Variants in LRRC28 observed in about 807,000 individuals in gnomAD.
LRRC28 encodes leucine-rich repeat-containing protein 28.
LRRC28 carries 39 observed loss-of-function variants against 45.7 expected under a neutral mutation model. That is an observed-to-expected ratio of 0.85 (90% CI 0.66 to 1.12). The LOEUF (loss-of-function observed/expected upper bound fraction) is 1.12, where lower values mean the gene tolerates loss of function less well. LRRC28 is among the 50% of genes most tolerant of loss of function. The probability of loss-of-function intolerance (pLI) is 0.00; values close to 1 mark genes in which losing one functional copy is unlikely to be tolerated. For synonymous variants in LRRC28, 206 were observed against 178.8 expected (o/e 1.15, Z -1.22); for missense variants, 435 against 438.5 (o/e 0.99, Z 0.07).
intron 9 of LRRC28, among the ~76,000 whole-genome samples, chr15:99,367,741 C>G (rs1957378840): frequency 1.3e-5 from 2 of 152,166 alleles, no homozygotes; most frequent in South Asian, 4.1e-4. Flanking sequence ...CATGCCTTCT[C>G]TGGGCATGCC....
At chr15:99,382,687 T>C (rs112284376) in intron 9 of LRRC28, among the ~76,000 whole-genome samples, 2,697 of 152,252 alleles carry the variant, frequency 0.018, 76 homozygotes, top group African/African-American at 0.061. Flanking sequence ...CCTACCTGTT[T>C]ATGGCTCTAG....
chr15:99,344,446 C>CATGTCCAT (rs1450718887), intron 6 of LRRC28, among the ~76,000 whole-genome samples: 2 of 152,168 alleles, frequency 1.3e-5, no homozygotes, highest in Non-Finnish European at 2.9e-5. Context: ...ATTACATACT[C>CATGTCCAT]ATGTCCATGA....
In LRRC28 at chr15:99,352,455, G is replaced by A. The variant is rs778604251; in HGVS notation, c.679G>A (p.Val227Ile). 29 of 1,613,398 alleles carry A rather than the reference G, an allele frequency of 1.8e-5. No homozygotes were observed. The East Asian group carries it at 6.0e-4, about 33-fold the overall frequency. ...CTTGCCATCTTATCTGTACAATAAA[G>A]TCATCGGGTGCAGTGGGTAAGGCCG... ...KGLPSYLYNK[V>I]IGCSGCGAPI... The change falls in exon 7 of 10, where the codon GTC becomes ATC. Residue 227 changes from valine to isoleucine, a missense_variant. Transcript: ENST00000301981.
At chr15:99,291,394 G>T (rs1468811703) in intron 5 of LRRC28, among the ~76,000 whole-genome samples, 1 of 152,162 alleles carries the variant, frequency 6.6e-6, no homozygotes, top group Non-Finnish European at 1.5e-5. Context: ...TGGGTCTTAT[G>T]AATTATTTGA....
At chr15:99,302,176 G>A (rs1388251345) in intron 5 of LRRC28, among the ~76,000 whole-genome samples, 1 of 151,518 alleles carries the variant, frequency 6.6e-6, no homozygotes, top group South Asian at 2.1e-4. Context: ...ACAGGTGCCC[G>A]CCACCATGCC....
At chr15:99,382,525 A>C (rs1394429547) in intron 9 of LRRC28, among the ~76,000 whole-genome samples, 2 of 152,180 alleles carry the variant, frequency 1.3e-5, no homozygotes, top group African/African-American at 4.8e-5. Context: ...AAGTTGTTTA[A>C]TTTCAAAATA....
At chr15:99,352,547 C>T in intron 7 of LRRC28, 76 bp downstream of exon 7, 1 of 1,221,648 alleles carries the variant, frequency 8.2e-7, no homozygotes, top group Non-Finnish European at 1.2e-6. Context: ...TTGTCTTTGC[C>T]CTTGATGATA....
intron 2 of LRRC28, among the ~76,000 whole-genome samples, chr15:99,264,636 A>T (rs78119784): frequency 2.6e-4 from 40 of 152,294 alleles, no homozygotes; most frequent in South Asian, 1.2e-3. Context: ...TAGTAAACAG[A>T]TGGGTAGATA....
At chr15:99,273,076 A>G (rs2081522904) in intron 2 of LRRC28, among the ~76,000 whole-genome samples, 1 of 152,194 alleles carries the variant, frequency 6.6e-6, no homozygotes, top group Non-Finnish European at 1.5e-5. Flanking sequence ...TAAAAATTAA[A>G]ACGTATAACA....
At chr15:99,290,610 G>T (rs1429879803) in intron 5 of LRRC28, among the ~76,000 whole-genome samples, 1 of 152,070 alleles carries the variant, frequency 6.6e-6, no homozygotes, top group African/African-American at 2.4e-5. Flanking sequence ...TGAATATAAT[G>T]CTGTATTTAT....
intron 5 of LRRC28, among the ~76,000 whole-genome samples, chr15:99,297,576 C>A (rs12912927): frequency 0.55 from 82,545 of 151,348 alleles, 24,891 homozygotes; most frequent in African/African-American, 0.83. Context: ...AATGACTTTC[C>A]TAGACCTAAA....
At chr15:99,311,663 A>G (rs1486333906) in intron 5 of LRRC28, among the ~76,000 whole-genome samples, 1 of 152,200 alleles carries the variant, frequency 6.6e-6, no homozygotes, top group African/African-American at 2.4e-5. Context: ...CAAGTTCAGA[A>G]TGATTTAAAA....
At chr15:99,308,522 CTTAG>C (rs760295546) in intron 5 of LRRC28, among the ~76,000 whole-genome samples, 14 of 151,932 alleles carry the variant, frequency 9.2e-5, no homozygotes, top group Non-Finnish European at 1.6e-4. Flanking sequence ...AAATAAAAAA[CTTAG>C]TTAGGCGTGG....
Position 99,286,386 on chromosome 15 carries a change from C to G in LRRC28, c.210-871C>G, listed in dbSNP as rs113902757. On this transcript the variant is annotated intron_variant, in intron 3 of 9. Coordinates refer to ENST00000301981, the MANE Select transcript of LRRC28 (RefSeq NM_144598.5). Reference sequence around the variant, plus strand: ...AGGTCAGGCAATCCGCCCTCCTTGCCTCCCAAAGTGCTGGGATTACAGGCG... The same window carrying G: ...AGGTCAGGCAATCCGCCCTCCTTGCGTCCCAAAGTGCTGGGATTACAGGCG... Among the ~76,000 whole-genome samples, 20 of 152,344 alleles carry G rather than the reference C, an allele frequency of 1.3e-4. 3 individuals carry two copies. Among genetic ancestry groups the G allele is most frequent in the African/African-American group, 4.8e-4 (20 of 41,574 alleles).
At chr15:99,336,687 G>A (rs1158028422) in intron 6 of LRRC28, among the ~76,000 whole-genome samples, 1 of 152,164 alleles carries the variant, frequency 6.6e-6, no homozygotes, top group Non-Finnish European at 1.5e-5. Context: ...ATCTGGCCTA[G>A]TGTCAGTAGC....
chr15:99,294,075 C>T lies in LRRC28; in HGVS notation c.385+6124C>T, dbSNP rs916037872. ...AATTTGTATCATTGTTACCCTGTAT[C>T]CTTTTCTATGACTGCATTAAGATTT... On this transcript the variant is annotated intron_variant, in intron 5 of 9. Coordinates refer to ENST00000301981, the MANE Select transcript of LRRC28 (RefSeq NM_144598.5). Among the ~76,000 whole-genome samples, 8 of 152,108 alleles carry T rather than the reference C, an allele frequency of 5.3e-5. No homozygotes were observed. In the East Asian group the frequency reaches 1.3e-3, roughly 26 times the overall value.
At chr15:99,293,321 C>T (rs954496635) in intron 5 of LRRC28, among the ~76,000 whole-genome samples, 2 of 151,898 alleles carry the variant, frequency 1.3e-5, no homozygotes, top group East Asian at 3.9e-4. Context: ...AGGTTGGGTG[C>T]GGTGGCTCAT....
intron 2 of LRRC28, among the ~76,000 whole-genome samples, chr15:99,269,878 G>C (rs1448045029): frequency 1.3e-5 from 2 of 152,136 alleles, no homozygotes; most frequent in Admixed American, 6.6e-5. Context: ...ATTATGAAGT[G>C]AGTCAAGAGA....
intron 6 of LRRC28, among the ~76,000 whole-genome samples, chr15:99,341,083 C>CTTTTTTTTT (rs528372394): frequency 1.1e-4 from 11 of 100,504 alleles, no homozygotes; most frequent in Non-Finnish European, 1.7e-4. Flanking sequence ...ATTCTACTGT[C>CTTTTTTTTT]TTTTTTTTTT....
Sources: allele counts gnomAD v4.1 joint callset (sites outside exome capture counted in the v4.1 genomes callset), GRCh38; gene constraint gnomAD v4.1.1; transcripts MANE v1.5; gene names NCBI Gene and HGNC (gene_info 2026-07-23, HGNC 2026-07-21).